Variants in CDS1 observed in about 807,000 individuals in gnomAD.
CDS1 encodes phosphatidate cytidylyltransferase 1.
CDS1 carries 41 observed loss-of-function variants against 62.1 expected under a neutral mutation model. That is an observed-to-expected ratio of 0.66 (90% CI 0.51 to 0.86). The LOEUF (loss-of-function observed/expected upper bound fraction) is 0.86. CDS1 is among the 40% of genes least tolerant of loss of function. The pLI, the probability that CDS1 is intolerant of heterozygous loss-of-function variation, is 0.00. For missense variants in CDS1, 470 were observed against 550.1 expected, an observed-to-expected ratio of 0.85 and a Z score of 1.46; for synonymous variants, 185 against 192.6, an observed-to-expected ratio of 0.96 and a Z score of 0.32.
chr4:84,614,558 T>C (rs1042787418), intron 3 of CDS1, among the ~76,000 whole-genome samples: 4 of 152,116 alleles, frequency 2.6e-5, no homozygotes, highest in Non-Finnish European at 5.9e-5. Context: ...AAAGTGAAAA[T>C]AGACACTTAT....
At chr4:84,598,957 T>C (rs1722837695) in intron 1 of CDS1, among the ~76,000 whole-genome samples, 1 of 152,190 alleles carries the variant, frequency 6.6e-6, no homozygotes, top group Non-Finnish European at 1.5e-5. Flanking sequence ...TCAGTTCTCT[T>C]TCCTGGACTG....
chr4:84,648,758 G>T lies in CDS1; in HGVS notation c.*72G>T. ...AACACTGACAGATGTTTTATAAATT[G>T]TACAGAAAAATAGTTAAAAATGCAA... On this transcript the variant is annotated 3_prime_UTR_variant, in exon 13 of 13. Transcript: ENST00000295887. The T allele has an allele frequency of 6.8e-7, 1 of 1,462,970 alleles. No individual in the cohort carries two copies. The highest frequency in any genetic ancestry group is 9.2e-7 in the Non-Finnish European group (1 of 1,083,490). The allele number at this position is 1,462,970 out of a possible 1,614,324, so 90.6% of individuals were successfully genotyped here. A position where few individuals can be genotyped will look rare whatever the true frequency, so the allele number is the denominator to read the frequency against.
chr4:84,637,083 C>G (rs566789829), intron 8 of CDS1, among the ~76,000 whole-genome samples: 1 of 152,238 alleles, frequency 6.6e-6, no homozygotes, highest in African/African-American at 2.4e-5. Context: ...TAAACTCTTC[C>G]CCTCTTGGGG....
intron 6 of CDS1, among the ~76,000 whole-genome samples, chr4:84,633,085 C>G (rs540103765): frequency 6.6e-6 from 1 of 152,224 alleles, no homozygotes; most frequent in Non-Finnish European, 1.5e-5. Flanking sequence ...GATCACACCA[C>G]TGCACTCCAG....
At chr4:84,626,775 C>G (rs190627313) in intron 5 of CDS1, among the ~76,000 whole-genome samples, 4 of 152,236 alleles carry the variant, frequency 2.6e-5, no homozygotes, top group African/African-American at 7.2e-5. Context: ...ATTCCCAGAG[C>G]GCAGTGCAGG....
intron 1 of CDS1, among the ~76,000 whole-genome samples, chr4:84,598,081 G>A (rs1483979668): frequency 2.0e-5 from 3 of 150,046 alleles, no homozygotes; most frequent in Non-Finnish European, 4.4e-5. Context: ...AGCCGAGATC[G>A]TGCCACTGCA....
rs756096401 is a variant in CDS1, at chr4:84,640,857, A to G, written c.899A>G (p.Lys300Arg). ...FGFIAAYVLS[K>R]YQYFVCPVEY... ...TATCAGGCTGCCTATGTGTTATCCA[A>G]ATACCAGTACTTTGTCTGCCCAGTG... Residue 300 changes from lysine to arginine, a missense_variant, in exon 10 of 13, where the codon AAA (lysine) becomes AGA (arginine). Physicochemically the swap from Lys to Arg is conservative, Grantham distance 26. This residue lies in a region of CDS1 where 214 missense variants were observed against 242.4 expected (regional missense o/e 0.88). Transcript: ENST00000295887. The G allele has an allele frequency of 3.1e-6, 5 of 1,595,836 alleles. No individual in the cohort carries two copies. Among genetic ancestry groups the G allele is most frequent in the Non-Finnish European group, 4.3e-6 (5 of 1,172,508 alleles).
chr4:84,597,613 G>A (rs1382511377), intron 1 of CDS1, among the ~76,000 whole-genome samples: 1 of 152,106 alleles, frequency 6.6e-6, no homozygotes, highest in African/African-American at 2.4e-5. Flanking sequence ...ACTCCAACCT[G>A]GGTGACCCTG....
At chr4:84,586,587 A>G (rs1415289770) in intron 1 of CDS1, among the ~76,000 whole-genome samples, 1 of 152,130 alleles carries the variant, frequency 6.6e-6, no homozygotes, top group African/African-American at 2.4e-5. Flanking sequence ...AATACAGAGG[A>G]AGCTTCACTC....
chr4:84,593,139 A>G (rs537332828), intron 1 of CDS1, among the ~76,000 whole-genome samples: 216 of 152,302 alleles, frequency 1.4e-3, no homozygotes, highest in Middle Eastern at 3.4e-3. Flanking sequence ...GCTTCGAACA[A>G]TTCTATGGGA....
In CDS1 at chr4:84,619,446, T is replaced by C. The variant is rs1167910469; in HGVS notation, c.493T>C (p.Tyr165His). 6.3e-7 allele frequency: 1 copy of C among 1,588,294 alleles called. No homozygotes were observed. Among genetic ancestry groups the C allele is most frequent in the Non-Finnish European group, 8.6e-7 (1 of 1,158,392 alleles). The change falls in exon 5 of 13, where the codon TAT (tyrosine) becomes CAT (histidine). Residue 165 changes from tyrosine (Y) to histidine (H), a missense_variant. Tyr to His is a moderately conservative substitution (Grantham distance 83). This residue lies in a region of CDS1 where 34 missense variants were observed against 64.8 expected (regional missense o/e 0.52). Coordinates refer to ENST00000295887, the MANE Select transcript of CDS1 (RefSeq NM_001263.4). The stretch of plus-strand genomic sequence containing the variant: ...TTTCTATGGAGAGACTGTAGCTGAT[T>C]ATTTTGCTACATTTGTTCAAAGAGA... The part of the protein sequence containing the change: ...YFFYGETVAD[Y>H]FATFVQREEQ...
intron 10 of CDS1, 110 bp from the exon 11 acceptor site, chr4:84,642,911 TGTG>T: frequency 7.8e-6 from 8 of 1,022,068 alleles, no homozygotes; most frequent in Non-Finnish European, 1.1e-5. Context: ...TTAACAAAAA[TGTG>T]GTGCGTGCTT....
chr4:84,609,911 G>A (rs373894591), intron 3 of CDS1, among the ~76,000 whole-genome samples: 1 of 152,086 alleles, frequency 6.6e-6, no homozygotes, highest in East Asian at 1.9e-4. Flanking sequence ...CCCAGCTACT[G>A]GGGAGGCTGA....
At chr4:84,612,291 G>A (rs1402629984) in intron 3 of CDS1, among the ~76,000 whole-genome samples, 1 of 151,658 alleles carries the variant, frequency 6.6e-6, no homozygotes, top group African/African-American at 2.4e-5. Flanking sequence ...GAATTTATTT[G>A]GAATTAAGAA....
In CDS1 at chr4:84,600,605, A is replaced by G. The variant is rs567767074; in HGVS notation, c.118-3638A>G. ...TGTTGTCAATCTGTTGACCATATGT[A>G]TGTAGGTTTATTTATGGACTATTCT... is the stretch of plus-strand genomic sequence containing the variant. On this transcript the variant is annotated intron_variant, in intron 1 of 12. Transcript: ENST00000295887. Among the ~76,000 whole-genome samples the G allele has an allele frequency of 6.6e-5, 10 of 152,270 alleles. No homozygotes were observed. In the East Asian group the frequency reaches 1.9e-3, roughly 29 times the overall value.
At chr4:84,634,100 A>G (rs978600213) in intron 7 of CDS1, among the ~76,000 whole-genome samples, 161 bp downstream of exon 7, 2 of 152,202 alleles carry the variant, frequency 1.3e-5, no homozygotes, top group Non-Finnish European at 2.9e-5. Context: ...TTTGACAACT[A>G]AAGACAAAAT....
chr4:84,638,682 C>T (rs1262978725), intron 8 of CDS1, among the ~76,000 whole-genome samples: 1 of 152,004 alleles, frequency 6.6e-6, no homozygotes, highest in Non-Finnish European at 1.5e-5. Context: ...CATGAACAAA[C>T]ACATATTCAC....
chr4:84,611,426 AT>A lies in CDS1; in HGVS notation c.342+1905del, dbSNP rs568896763. Reference sequence around the variant, plus strand: ...TGCCCACTTAGAAATGTGTTTATCCATTTTGCCAATCTCCCTCCATATTCAA... The same window carrying A: ...TGCCCACTTAGAAATGTGTTTATCCATTTGCCAATCTCCCTCCATATTCAA... On this transcript the variant is annotated intron_variant, in intron 3 of 12. Coordinates refer to ENST00000295887, the MANE Select transcript of CDS1 (RefSeq NM_001263.4). Among the ~76,000 whole-genome samples, 914 of 152,046 alleles carry A rather than the reference AT, an allele frequency of 6.0e-3. 2 individuals carry two copies. The highest frequency in any genetic ancestry group is 0.022 in the African/African-American group (892 of 41,470).
intron 8 of CDS1, among the ~76,000 whole-genome samples, chr4:84,637,134 A>G (rs954158331): frequency 6.6e-6 from 1 of 152,186 alleles, no homozygotes; most frequent in Non-Finnish European, 1.5e-5. Flanking sequence ...ATCAGCACAC[A>G]GAGAGTGTTG....
Sources: gnomAD v4.1 joint callset for allele counts (sites outside exome capture counted in the v4.1 genomes callset) on GRCh38, gnomAD v4.1.1 for gene constraint, gnomAD v4.1.1 regional missense constraint, MANE v1.5 for transcripts, NCBI Gene and HGNC (gene_info 2026-07-23, HGNC 2026-07-21) for gene names.